ZNF682: variants seen among roughly 807,000 people sequenced by gnomAD.
The protein encoded by ZNF682 is zinc finger protein 682.
In ZNF682, 29 loss-of-function variants were observed where a neutral mutation model predicts 36.5. The ratio of observed to expected loss-of-function variants is 0.80; its 90% confidence interval spans 0.59 to 1.08. ZNF682 has a LOEUF of 1.08. Ranked by LOEUF, ZNF682 falls within the 50% of genes least tolerant of loss-of-function variation. ZNF682 has a pLI of 0.00. For missense variants in ZNF682, 561 were observed against 579.7 expected (o/e 0.97, Z 0.33); for synonymous variants, 180 against 197.0 (o/e 0.91, Z 0.72).
intron 3 of ZNF682, 127 bp from the exon 4 acceptor site, chr19:20,007,402 T>C: frequency 1.2e-6 from 1 of 847,138 alleles, no homozygotes; most frequent in East Asian, 2.7e-5. Flanking sequence ...TGGGAAACAC[T>C]CACTCCAAGG....
At chr19:20,012,961 C>A (rs1257460614) in intron 3 of ZNF682, among the ~76,000 whole-genome samples, 2 of 151,732 alleles carry the variant, frequency 1.3e-5, no homozygotes, top group South Asian at 2.1e-4. Context: ...CAATAGTAAC[C>A]CCTTCTCTAT....
At chr19:20,019,628 T>G (rs1458685257) in intron 3 of ZNF682, among the ~76,000 whole-genome samples, 1 of 151,744 alleles carries the variant, frequency 6.6e-6, no homozygotes. Flanking sequence ...GCAAAAACAA[T>G]AATAAGAATG....
At chr19:20,027,478 G>T (rs974757673) in intron 1 of ZNF682, among the ~76,000 whole-genome samples, 2 of 152,234 alleles carry the variant, frequency 1.3e-5, no homozygotes, top group Non-Finnish European at 2.9e-5. Context: ...AAAGCCTGGG[G>T]GCTAGGCGCT....
intron 3 of ZNF682, among the ~76,000 whole-genome samples, chr19:20,014,615 A>T: frequency 1.7e-4 from 1 of 5,800 alleles, no homozygotes; most frequent in South Asian, 9.4e-3. Flanking sequence ...ACTAGAATAC[A>T]AAAAAAAAAA....
chr19:20,026,464 CTTTA>C (rs748064122), intron 1 of ZNF682, among the ~76,000 whole-genome samples: 20 of 151,908 alleles, frequency 1.3e-4, no homozygotes, highest in Non-Finnish European at 2.2e-4. Context: ...ACAAAGAGAA[CTTTA>C]TTTATTTATT....
At chr19:20,016,467 G>A (rs1052054472) in intron 3 of ZNF682, among the ~76,000 whole-genome samples, 1 of 151,752 alleles carries the variant, frequency 6.6e-6, no homozygotes, top group Non-Finnish European at 1.5e-5. Flanking sequence ...TAGTGCATGA[G>A]GAAATGATAT....
intron 3 of ZNF682, chr19:20,007,919 A>G (rs2088243177): frequency 6.6e-6 from 1 of 152,636 alleles, no homozygotes; most frequent in African/African-American, 2.4e-5. Context: ...GGTTGTAGCT[A>G]TCATGGGACT....
At chr19:20,014,357 T>TTG (rs1259782724) in intron 3 of ZNF682, among the ~76,000 whole-genome samples, 1 of 152,186 alleles carries the variant, frequency 6.6e-6, no homozygotes, top group East Asian at 1.9e-4. Flanking sequence ...CACACCCATA[T>TTG]TAATTGTAGC....
At chr19:20,023,152 A>C in intron 2 of ZNF682, 53 bp from the exon 3 acceptor site, 1 of 1,501,044 alleles carries the variant, frequency 6.7e-7, no homozygotes, top group Non-Finnish European at 9.3e-7. Context: ...TCCAATTACC[A>C]ACCTAGTGTT....
At chr19:20,011,022 A>T (rs10854017) in intron 3 of ZNF682, among the ~76,000 whole-genome samples, 66,408 of 151,848 alleles carry the variant, frequency 0.44, 17,022 homozygotes, top group Non-Finnish European at 0.58. Context: ...AATCAGATTT[A>T]AAAAAAACCA....
intron 3 of ZNF682, among the ~76,000 whole-genome samples, chr19:20,009,950 G>A (rs1460399126): frequency 1.3e-5 from 2 of 151,898 alleles, no homozygotes; most frequent in African/African-American, 4.8e-5. Context: ...AGCCCTGGAG[G>A]CAGAGGTTGC....
At chr19:20,018,078 C>CTTTTTTTTTTTTTTTTTTTTTTTT (rs71172554) in intron 3 of ZNF682, among the ~76,000 whole-genome samples, 1 of 58,676 alleles carries the variant, frequency 1.7e-5, no homozygotes, top group Non-Finnish European at 2.9e-5. Context: ...TTCTCAAATT[C>CTTTTTTTTTTTTTTTTTTTTTTTT]TTTTTTTTTT....
chr19:20,015,192 TTCTC>T (rs2088324788), intron 3 of ZNF682: 1 of 985,258 alleles, frequency 1.0e-6, no homozygotes, highest in Non-Finnish European at 1.2e-6. Flanking sequence ...TCACAAGTGT[TTCTC>T]TCACAAAAAG....
intron 3 of ZNF682, among the ~76,000 whole-genome samples, chr19:20,010,631 C>T (rs755541880): frequency 6.6e-5 from 10 of 151,644 alleles, no homozygotes; most frequent in South Asian, 2.1e-4. Flanking sequence ...CACTCCAGCC[C>T]GGGTGACAGA....
intron 3 of ZNF682, among the ~76,000 whole-genome samples, chr19:20,009,270 G>A (rs552637388): frequency 6.6e-6 from 1 of 152,234 alleles, no homozygotes; most frequent in Admixed American, 6.5e-5. Flanking sequence ...GCAGATGAAA[G>A]TATTTCAGAG....
At chr19:20,014,464 C>T (rs1568540930) in intron 3 of ZNF682, among the ~76,000 whole-genome samples, 1 of 152,014 alleles carries the variant, frequency 6.6e-6, no homozygotes, top group Non-Finnish European at 1.5e-5. Context: ...TGGAATAATA[C>T]TCAGCTTTTA....
downstream of ZNF682, among the ~76,000 whole-genome samples, chr19:20,002,917 G>A (rs113709276): frequency 7.9e-5 from 12 of 152,130 alleles, no homozygotes; most frequent in African/African-American, 2.9e-4. Context: ...AAGGCCAGGC[G>A]CAATGGCTCA....
intron 3 of ZNF682, among the ~76,000 whole-genome samples, chr19:20,016,370 T>C (rs1458559150): frequency 6.6e-6 from 1 of 152,176 alleles, no homozygotes; most frequent in Non-Finnish European, 1.5e-5. Context: ...GATCCTTGTA[T>C]TATCTGACAG....
At chr19:20,022,970 C>T in intron 3 of ZNF682, 34 bp downstream of exon 3, 1 of 1,579,660 alleles carries the variant, frequency 6.3e-7, no homozygotes, top group Non-Finnish European at 8.7e-7. Context: ...TTGGAGCTTT[C>T]ACCTGTGGCA....
Sources: gnomAD v4.1 joint callset for allele counts (sites outside exome capture counted in the v4.1 genomes callset) on GRCh38, gnomAD v4.1.1 for gene constraint, MANE v1.5 for transcripts, NCBI Gene and HGNC (gene_info 2026-07-23, HGNC 2026-07-21) for gene names.